LRP1B: variants seen among roughly 807,000 people sequenced by gnomAD.
The protein encoded by LRP1B is low-density lipoprotein receptor-related protein 1B.
Under a neutral mutation model 556.6 loss-of-function variants are expected in LRP1B, and 217 were observed. The ratio of observed to expected loss-of-function variants is 0.39; its 90% CI spans 0.35 to 0.44. LRP1B has a LOEUF of 0.44. LRP1B is among the 20% of genes least tolerant of loss of function. LRP1B has a pLI of 1.00. For synonymous variants in LRP1B, 2,047 were observed against 1,865.8 expected (o/e 1.10, Z -2.50); for missense variants, 5,053 against 5,620.8 (o/e 0.90, Z 3.23).
intron 37 of LRP1B, among the ~76,000 whole-genome samples, chr2:140,706,242 C>T (rs557005792): frequency 6.6e-6 from 1 of 152,070 alleles, no homozygotes; most frequent in Non-Finnish European, 1.5e-5. Flanking sequence ...GAGTTTGAAC[C>T]TATTTGAGTT....
chr2:141,938,869 A>C (rs1368485502), intron 1 of LRP1B, among the ~76,000 whole-genome samples: 2 of 152,118 alleles, frequency 1.3e-5, no homozygotes. Context: ...TCTGGAGGAC[A>C]TTATGCTAAG....
intron 3 of LRP1B, among the ~76,000 whole-genome samples, chr2:141,475,644 A>C (rs539695098): frequency 6.6e-6 from 1 of 151,984 alleles, no homozygotes; most frequent in African/African-American, 2.4e-5. Context: ...TAAACCCCAA[A>C]CCTCGGGCTC....
chr2:140,517,172 G>A (rs1689942412), intron 49 of LRP1B, among the ~76,000 whole-genome samples, 161 bp from the exon 50 acceptor site: 2 of 152,046 alleles, frequency 1.3e-5, no homozygotes, highest in African/African-American at 4.8e-5. Flanking sequence ...GAAAATAAAG[G>A]AAAGATTCAG....
chr2:141,087,714 A>G (rs1166770086), intron 7 of LRP1B, among the ~76,000 whole-genome samples: 10 of 152,172 alleles, frequency 6.6e-5, no homozygotes, highest in Admixed American at 2.6e-4. Flanking sequence ...ACTTTACAGC[A>G]TGATGCTCGA....
intron 20 of LRP1B, among the ~76,000 whole-genome samples, chr2:140,930,343 C>T (rs1695014099): frequency 6.6e-6 from 1 of 151,654 alleles, no homozygotes; most frequent in African/African-American, 2.4e-5. Context: ...AATACAGAGC[C>T]CTGAAGGAAA....
chr2:140,669,818 C>T (rs1685415906), intron 41 of LRP1B, among the ~76,000 whole-genome samples: 1 of 152,012 alleles, frequency 6.6e-6, no homozygotes, highest in East Asian at 1.9e-4. Flanking sequence ...TCGTCCATGT[C>T]TTATACAATA....
intron 3 of LRP1B, among the ~76,000 whole-genome samples, chr2:141,262,085 T>G (rs1684710181): frequency 6.6e-6 from 1 of 152,144 alleles, no homozygotes; most frequent in African/African-American, 2.4e-5. Flanking sequence ...TTTTAGTCAT[T>G]TGAGTATATA....
chr2:141,727,474 C>T (rs1289716749), intron 2 of LRP1B, among the ~76,000 whole-genome samples: 1 of 152,140 alleles, frequency 6.6e-6, no homozygotes, highest in Non-Finnish European at 1.5e-5. Context: ...TTCTCCAGTA[C>T]AATTTAGAAG....
intron 66 of LRP1B, among the ~76,000 whole-genome samples, chr2:140,440,424 T>A (rs761498162): frequency 6.6e-6 from 1 of 151,966 alleles, no homozygotes; most frequent in Non-Finnish European, 1.5e-5. Flanking sequence ...TATAACTGAG[T>A]CAAACGATAA....
At chr2:141,033,802 C>T (rs1399912685) in intron 11 of LRP1B, among the ~76,000 whole-genome samples, 2 of 152,118 alleles carry the variant, frequency 1.3e-5, no homozygotes, top group East Asian at 1.9e-4. Flanking sequence ...GAAGTACCTC[C>T]TACCTCTAGA....
chr2:140,565,157 G>T, intron 43 of LRP1B, among the ~76,000 whole-genome samples: 1 of 135,608 alleles, frequency 7.4e-6, no homozygotes, highest in South Asian at 2.4e-4. Context: ...TGTTTATTAC[G>T]TAATAATATA....
At chr2:142,020,636 A>G (rs1334273153) in intron 1 of LRP1B, among the ~76,000 whole-genome samples, 1 of 152,176 alleles carries the variant, frequency 6.6e-6, no homozygotes, top group African/African-American at 2.4e-5. Context: ...CTAACCACAG[A>G]GAATGTTCAG....
intron 66 of LRP1B, among the ~76,000 whole-genome samples, chr2:140,397,992 T>G (rs1253503302): frequency 1.3e-5 from 2 of 152,168 alleles, no homozygotes; most frequent in African/African-American, 2.4e-5. Flanking sequence ...ATATTCTTTC[T>G]GATTGACATC....
At chr2:141,554,587 T>C (rs1242165745) in intron 2 of LRP1B, among the ~76,000 whole-genome samples, 1 of 151,858 alleles carries the variant, frequency 6.6e-6, no homozygotes, top group Non-Finnish European at 1.5e-5. Context: ...ATGTGGATAA[T>C]AGCAGGAACA....
chr2:141,049,325 C>A, intron 10 of LRP1B, 103 bp from the exon 11 acceptor site: 1 of 759,602 alleles, frequency 1.3e-6, no homozygotes, highest in South Asian at 1.7e-5. Flanking sequence ...TTTTTAAATT[C>A]AATGCTAAAA....
At chr2:141,558,406 A>T (rs904398745) in intron 2 of LRP1B, among the ~76,000 whole-genome samples, 2 of 151,798 alleles carry the variant, frequency 1.3e-5, no homozygotes, top group African/African-American at 4.8e-5. Flanking sequence ...CAGTACCTAA[A>T]GAGTTCCTAA....
chr2:140,725,969 C>T lies in LRP1B; in HGVS notation c.5759-9153G>A, dbSNP rs144928269. Among the ~76,000 whole-genome samples, 675 of 152,206 alleles carry T rather than the reference C, an allele frequency of 4.4e-3. 6 individuals carry two copies. The highest frequency in any genetic ancestry group is 0.014 in the African/African-American group (597 of 41,542). ...CTCAAATGGCTACCCATTAGAACTG[C>T]TTGAGGAATGTTTTAAAATACCAAA... On this transcript the variant is annotated intron_variant, in intron 35 of 90. Coordinates refer to ENST00000389484, the MANE Select transcript of LRP1B (RefSeq NM_018557.3).
intron 76 of LRP1B, 72 bp from the exon 77 acceptor site, chr2:140,351,110 T>C (rs988856883): frequency 1.0e-6 from 1 of 1,001,586 alleles, no homozygotes; most frequent in Middle Eastern, 3.3e-4. Flanking sequence ...AATTGTACTT[T>C]TAAATTATCT....
chr2:141,612,828 A>G (rs1688153393), intron 2 of LRP1B, among the ~76,000 whole-genome samples: 2 of 152,278 alleles, frequency 1.3e-5, no homozygotes, highest in East Asian at 1.9e-4. Context: ...ACAGAGAGAC[A>G]GTCTCGCTCT....
Sources: gnomAD v4.1 joint callset for allele counts (sites outside exome capture counted in the v4.1 genomes callset) on GRCh38, gnomAD v4.1.1 for gene constraint, MANE v1.5 for transcripts, NCBI Gene and HGNC (gene_info 2026-07-23, HGNC 2026-07-21) for gene names.